Variants in NELL2 observed in about 807,000 individuals in gnomAD.
NELL2 encodes the protein protein kinase C-binding protein NELL2.
In NELL2, 41 loss-of-function variants were observed where a neutral mutation model predicts 109.6. That is an observed-to-expected ratio of 0.37 (90% confidence interval 0.29 to 0.49). NELL2 has a LOEUF of 0.49. Among genes scored for constraint, NELL2 ranks in the 20% least tolerant of loss-of-function variants. NELL2 has a pLI of 0.98. For missense variants in NELL2, 900 were observed against 1,008.3 expected (o/e 0.89, Z 1.45); for synonymous variants, 355 against 344.7 (o/e 1.03, Z -0.33).
At chr12:44,605,058 G>T (rs879502624) in intron 15 of NELL2, among the ~76,000 whole-genome samples, 2 of 152,086 alleles carry the variant, frequency 1.3e-5, no homozygotes, top group Non-Finnish European at 2.9e-5. Flanking sequence ...GAATATTCAG[G>T]TTTTGGTAGA....
intron 2 of NELL2, among the ~76,000 whole-genome samples, chr12:44,850,858 A>G (rs999835314): frequency 6.6e-6 from 1 of 152,198 alleles, no homozygotes; most frequent in Admixed American, 6.5e-5. Flanking sequence ...ATAGATGCCA[A>G]TGTTAAAGAG....
intron 2 of NELL2, among the ~76,000 whole-genome samples, chr12:44,833,107 C>T (rs1318432301): frequency 2.0e-5 from 3 of 152,202 alleles, no homozygotes; most frequent in African/African-American, 7.2e-5. Flanking sequence ...AGTTGGCCTA[C>T]ACAGAACGTT....
chr12:44,848,862 C>T (rs547682630), intron 2 of NELL2, among the ~76,000 whole-genome samples: 2 of 152,262 alleles, frequency 1.3e-5, no homozygotes, highest in South Asian at 2.1e-4. Context: ...AAGTGGCCCA[C>T]GCATCTACAG....
intron 1 of NELL2, among the ~76,000 whole-genome samples, chr12:44,906,387 A>G (rs1330771023): frequency 6.6e-6 from 1 of 152,146 alleles, no homozygotes; most frequent in African/African-American, 2.4e-5. Context: ...CACATAAATG[A>G]TATGACATAT....
intron 15 of NELL2, among the ~76,000 whole-genome samples, chr12:44,591,174 T>C (rs1592169448): frequency 6.6e-6 from 1 of 152,100 alleles, no homozygotes; most frequent in Non-Finnish European, 1.5e-5. Flanking sequence ...TACACTGCCG[T>C]TGGGAATATA....
intron 15 of NELL2, among the ~76,000 whole-genome samples, chr12:44,548,376 C>T (rs1157800862): frequency 6.6e-6 from 1 of 151,620 alleles, no homozygotes; most frequent in Non-Finnish European, 1.5e-5. Flanking sequence ...AAACCAGTCT[C>T]TACAAAAGAA....
intron 9 of NELL2, among the ~76,000 whole-genome samples, chr12:44,743,195 C>A (rs1258728233): frequency 1.3e-5 from 2 of 152,106 alleles, no homozygotes; most frequent in Non-Finnish European, 2.9e-5. Flanking sequence ...CATATCCACC[C>A]AAACTAAGCT....
intron 12 of NELL2, among the ~76,000 whole-genome samples, chr12:44,688,626 G>A (rs1400573917): frequency 6.6e-6 from 1 of 152,134 alleles, no homozygotes; most frequent in Non-Finnish European, 1.5e-5. Context: ...GTCTTCTTGG[G>A]CAATGTTCTT....
At chr12:44,593,728 G>T (rs757153767) in intron 15 of NELL2, among the ~76,000 whole-genome samples, 1 of 152,114 alleles carries the variant, frequency 6.6e-6, no homozygotes, top group Non-Finnish European at 1.5e-5. Context: ...GTGTAAAAGC[G>T]TTCCTATTTC....
chr12:44,713,761 A>G (rs1272860241), intron 10 of NELL2, among the ~76,000 whole-genome samples: 1 of 151,908 alleles, frequency 6.6e-6, no homozygotes, highest in African/African-American at 2.4e-5. Flanking sequence ...AGCTTCTTTC[A>G]GATTCAATTT....
At chr12:44,579,407 T>C (rs1592149213) in intron 15 of NELL2, among the ~76,000 whole-genome samples, 1 of 152,212 alleles carries the variant, frequency 6.6e-6, no homozygotes, top group Non-Finnish European at 1.5e-5. Flanking sequence ...AACAGGCATA[T>C]AGATAACGAT....
intron 1 of NELL2, among the ~76,000 whole-genome samples, chr12:44,883,821 T>A (rs1945442130): frequency 6.6e-6 from 1 of 151,756 alleles, no homozygotes; most frequent in Non-Finnish European, 1.5e-5. Flanking sequence ...TCCTATAATA[T>A]AATAAAGATA....
chr12:44,796,094 GATA>G (rs951529894), intron 3 of NELL2, among the ~76,000 whole-genome samples: 2 of 152,066 alleles, frequency 1.3e-5, no homozygotes, highest in South Asian at 2.1e-4. Flanking sequence ...ATCCAAAGAG[GATA>G]ATAAGAGTTG....
intron 12 of NELL2, among the ~76,000 whole-genome samples, chr12:44,686,929 G>A (rs1948737029): frequency 6.6e-6 from 1 of 152,212 alleles, no homozygotes; most frequent in Admixed American, 6.5e-5. Context: ...TCCTTGAGCT[G>A]TGGTGGGCTC....
At chr12:44,562,540 C>G (rs1388703520) in intron 15 of NELL2, among the ~76,000 whole-genome samples, 1 of 152,032 alleles carries the variant, frequency 6.6e-6, no homozygotes, top group Non-Finnish European at 1.5e-5. Flanking sequence ...AGAAGACATT[C>G]GTGTGACCAA....
Position 44,587,307 on chromosome 12 carries a change from A to ATAT in NELL2, c.1663+19861_1663+19862insATA, listed in dbSNP as rs1302978950. On this transcript the variant is annotated intron_variant, in intron 15 of 19. Coordinates refer to ENST00000429094, the MANE Select transcript of NELL2 (RefSeq NM_001145108.2). ...AAAATATATATATATATATATATAT[A>ATAT]TTTTTTTTTAAATATGAAGTTATAT... Among the ~76,000 whole-genome samples, 719 of 96,628 alleles carry ATAT rather than the reference A, an allele frequency of 7.4e-3. 17 individuals carry two copies. The highest frequency in any genetic ancestry group is 0.029 in the African/African-American group (700 of 23,978). The allele number at this position is 96,628 out of a possible 152,430, so 63.4% of individuals were successfully genotyped here.
At chr12:44,710,524 T>C (rs1407631301) in intron 11 of NELL2, among the ~76,000 whole-genome samples, 1 of 152,130 alleles carries the variant, frequency 6.6e-6, no homozygotes, top group South Asian at 2.1e-4. Context: ...AAGGCACATA[T>C]AATTTCATGA....
intron 9 of NELL2, among the ~76,000 whole-genome samples, chr12:44,737,343 G>A (rs1341888011): frequency 2.0e-5 from 3 of 151,684 alleles, no homozygotes; most frequent in African/African-American, 7.3e-5. Flanking sequence ...CACACATTTA[G>A]TTCACAATCA....
chr12:44,794,341 A>T (rs1166995750), intron 3 of NELL2, among the ~76,000 whole-genome samples: 2 of 152,176 alleles, frequency 1.3e-5, no homozygotes, highest in Admixed American at 6.5e-5. Flanking sequence ...TTTCCATTTC[A>T]AAAAGGAAAG....
Sources: gnomAD v4.1 joint callset for allele counts (sites outside exome capture counted in the v4.1 genomes callset) on GRCh38, gnomAD v4.1.1 for gene constraint, MANE v1.5 for transcripts, NCBI Gene and HGNC (gene_info 2026-07-23, HGNC 2026-07-21) for gene names.